GPR149: variants seen among roughly 807,000 people sequenced by gnomAD.
GPR149 encodes G protein-coupled receptor 149.
In GPR149, 50 loss-of-function variants were observed where a neutral mutation model predicts 50.2. The observed-to-expected ratio is 1.00, with a 90% confidence interval of 0.79 to 1.26. The LOEUF (loss-of-function observed/expected upper bound fraction) is 1.26. GPR149 is among the 50% of genes most tolerant of loss of function. GPR149 has a pLI of 0.00. For synonymous variants in GPR149, 405 were observed against 358.2 expected, an observed-to-expected ratio of 1.13 and a Z score of -1.48; for missense variants, 983 against 895.4, an observed-to-expected ratio of 1.10 and a Z score of -1.25.
intron 3 of GPR149, among the ~76,000 whole-genome samples, chr3:154,405,317 G>C (rs1299015807): frequency 6.6e-6 from 1 of 152,060 alleles, no homozygotes; most frequent in African/African-American, 2.4e-5. Context: ...GGCCAGGTGT[G>C]GTGGCTCACG....
chr3:154,407,240 A>C (rs1711719803), intron 3 of GPR149, among the ~76,000 whole-genome samples: 2 of 152,180 alleles, frequency 1.3e-5, no homozygotes, highest in African/African-American at 4.8e-5. Context: ...ATCATGCTTC[A>C]CATAGTCAAA....
At chr3:154,397,368 T>C (rs931849604) in intron 3 of GPR149, among the ~76,000 whole-genome samples, 1 of 152,220 alleles carries the variant, frequency 6.6e-6, no homozygotes, top group Non-Finnish European at 1.5e-5. Context: ...GAATGCATTT[T>C]ATGCTGTATT....
Position 154,342,606 on chromosome 3 carries a change from G to A in GPR149, c.1624-4335C>T, listed in dbSNP as rs142281556. Among the ~76,000 whole-genome samples the A allele has an allele frequency of 7.1e-3, 1,079 of 152,084 alleles. 12 individuals are homozygous for A. Among genetic ancestry groups the A allele is most frequent in the African/African-American group, 0.025 (1,042 of 41,482 alleles). ...GTGTTTTTAGTAGAGACAGGGTTTT[G>A]CCATGTTGGCCAGGCTGGTCTTGAA... On this transcript the variant is annotated intron_variant, in intron 3 of 3. Coordinates refer to ENST00000389740, the MANE Select transcript of GPR149 (RefSeq NM_001038705.3).
intron 3 of GPR149, among the ~76,000 whole-genome samples, chr3:154,386,953 A>G (rs955326253): frequency 7.1e-6 from 1 of 140,394 alleles, no homozygotes; most frequent in African/African-American, 2.5e-5. Flanking sequence ...TGGAAGAAGG[A>G]GCTAAAGTAT....
intron 3 of GPR149, among the ~76,000 whole-genome samples, chr3:154,381,583 T>C (rs1221564011): frequency 6.6e-6 from 1 of 152,204 alleles, no homozygotes; most frequent in East Asian, 1.9e-4. Context: ...TATTTTGAAA[T>C]GTTTCATACC....
At chr3:154,378,240 A>C (rs1171371297) in intron 3 of GPR149, among the ~76,000 whole-genome samples, 1 of 151,754 alleles carries the variant, frequency 6.6e-6, no homozygotes, top group African/African-American at 2.4e-5. Flanking sequence ...GCACCACCAC[A>C]CCTGGCTTAT....
intron 3 of GPR149, among the ~76,000 whole-genome samples, chr3:154,420,802 T>G (rs1712119509): frequency 6.6e-6 from 1 of 151,958 alleles, no homozygotes; most frequent in African/African-American, 2.4e-5. Context: ...CTACCCTTCT[T>G]AAAGAGCCTG....
At chr3:154,372,233 G>A in intron 3 of GPR149, among the ~76,000 whole-genome samples, 1 of 142,596 alleles carries the variant, frequency 7.0e-6, no homozygotes, top group East Asian at 2.0e-4. Flanking sequence ...ACTTACTTTG[G>A]TCCTGGATGA....
intron 2 of GPR149, among the ~76,000 whole-genome samples, chr3:154,423,216 C>T (rs1308664112): frequency 6.6e-6 from 1 of 151,718 alleles, no homozygotes; most frequent in Non-Finnish European, 1.5e-5. Context: ...CATTCTGAGG[C>T]CATTTTGCAC....
Position 154,337,987 on chromosome 3 carries a change from G to A in GPR149, c.1908C>T (p.Ile636=). The change falls in exon 4 of 4, where the codon ATC becomes ATT. Residue 636 remains isoleucine (I), a synonymous_variant. Transcript: ENST00000389740. ...TGGAGGACTGACTGATGTTACTAAT[G>A]ATTGACACAGTGTCCAAGGCCTCTT... The part of the protein sequence containing the change: ...DNEEALDTVS[I]ISNISQSSTQ... The A allele has an allele frequency of 1.2e-6, 2 of 1,614,172 alleles. No individual in the cohort carries two copies. Among genetic ancestry groups the A allele is most frequent in the Non-Finnish European group, 1.7e-6 (2 of 1,180,014 alleles).
rs550349256 is a variant in GPR149, at chr3:154,388,470, G to T, written c.1623+32569C>A. The stretch of plus-strand genomic sequence containing the variant: ...CTCTCTTTCTCCCCAGCTTTCCACT[G>T]TTCTCTTAGCTACTATTTCTGTATT... On this transcript the variant is annotated intron_variant, in intron 3 of 3. Transcript: ENST00000389740. Among the ~76,000 whole-genome samples, 14 of 152,048 alleles carry T rather than the reference G, an allele frequency of 9.2e-5. 1 individual carries two copies. In the South Asian group the frequency reaches 2.7e-3, roughly 29 times the overall value.
intron 3 of GPR149, among the ~76,000 whole-genome samples, chr3:154,361,952 A>G (rs1714416269): frequency 6.6e-6 from 1 of 152,206 alleles, no homozygotes; most frequent in African/African-American, 2.4e-5. Context: ...ATTTTAATTT[A>G]GTAGTTTAGA....
intron 3 of GPR149, chr3:154,353,827 G>A: frequency 7.6e-6 from 5 of 654,958 alleles, no homozygotes; most frequent in South Asian, 1.7e-5. Context: ...TTCAAATACA[G>A]GACAAGGTCC....
At chr3:154,421,615 T>C in intron 2 of GPR149, 128 bp from the exon 3 acceptor site, 1 of 517,876 alleles carries the variant, frequency 1.9e-6, no homozygotes, top group Non-Finnish European at 3.3e-6. Context: ...CTATCTTCAT[T>C]TACTTTTTGT....
rs1384146666 is a variant in GPR149 at position 154,429,010 on chromosome 3, G to A, written c.606C>T (p.Phe202=). Residue 202 remains phenylalanine (F), a synonymous_variant, in exon 1 of 4, where the codon TTC becomes TTT. Transcript: ENST00000389740. ...LFLSIVYALA[F]GLLVGLSVPL... ...GGACTGAGAGGCCCACGAGGAGTCC[G>A]AAGGCCAAAGCGTACACGATAGAGA... 8 of 1,613,918 alleles carry A rather than the reference G, an allele frequency of 5.0e-6. No individual in the cohort carries two copies. The highest frequency in any genetic ancestry group is 2.2e-5 in the East Asian group (1 of 44,872).
At chr3:154,377,455 C>G (rs1714820060) in intron 3 of GPR149, among the ~76,000 whole-genome samples, 2 of 151,346 alleles carry the variant, frequency 1.3e-5, no homozygotes, top group Non-Finnish European at 2.9e-5. Flanking sequence ...CAACCTCCAC[C>G]TCGTGGGTTC....
intron 3 of GPR149, among the ~76,000 whole-genome samples, chr3:154,411,540 A>G (rs889309836): frequency 6.6e-6 from 1 of 152,130 alleles, no homozygotes; most frequent in African/African-American, 2.4e-5. Flanking sequence ...CCAGAGAAAT[A>G]CAGAAGATTA....
rs1711538309 is a variant in GPR149 at position 154,400,969 on chromosome 3, ATAT to A, written c.1623+20067_1623+20069del. On this transcript the variant is annotated intron_variant, in intron 3 of 3. Transcript: ENST00000389740. Reference sequence around the variant, plus strand: ...ACACACACTAGACTTTTACACTAAAATATTATAGAATTTTTTGTTGTATCACAG... The same window carrying A: ...ACACACACTAGACTTTTACACTAAAATATAGAATTTTTTGTTGTATCACAG... 2.0e-5 allele frequency among the ~76,000 whole-genome samples: 3 copies of A among 152,232 alleles called. No homozygotes were observed. The South Asian group carries it at 6.2e-4, about 31-fold the overall frequency.
At chr3:154,386,786 G>A (rs1174261535) in intron 3 of GPR149, among the ~76,000 whole-genome samples, 2 of 151,954 alleles carry the variant, frequency 1.3e-5, no homozygotes, top group Non-Finnish European at 2.9e-5. Context: ...GTTAAGATTT[G>A]GATAGCTAAA....
Sources: allele counts gnomAD v4.1 joint callset (sites outside exome capture counted in the v4.1 genomes callset), GRCh38; gene constraint gnomAD v4.1.1; transcripts MANE v1.5; gene names NCBI Gene and HGNC (gene_info 2026-07-23, HGNC 2026-07-21).